The following SH3KBP1 variants were observed in gnomAD, a reference collection of about 807,000 sequenced individuals.
The protein encoded by SH3KBP1 is SH3 domain-containing kinase-binding protein 1.
In SH3KBP1, 8 loss-of-function variants were observed where a neutral mutation model predicts 50.1. The observed-to-expected ratio is 0.16, with a 90% confidence interval of 0.09 to 0.29. The LOEUF (loss-of-function observed/expected upper bound fraction) is 0.29. Among genes scored for constraint, SH3KBP1 ranks in the 10% least tolerant of loss-of-function variants. SH3KBP1 has a pLI of 1.00. For missense variants in SH3KBP1, 377 were observed against 535.2 expected (o/e 0.70, Z 2.92); for synonymous variants, 227 against 218.6 (o/e 1.04, Z -0.34).
At chrX:19,572,527 CT>C (rs1368437816) in intron 12 of SH3KBP1, among the ~76,000 whole-genome samples, 3 of 105,249 alleles carry the variant, frequency 2.9e-5, no homozygotes, top group Non-Finnish European at 5.8e-5. Flanking sequence ...TATATGTACT[CT>C]CTCTCTCTCT....
At chrX:19,557,628 A>G (rs1430850176) in intron 13 of SH3KBP1, among the ~76,000 whole-genome samples, 1 of 111,899 alleles carries the variant, frequency 8.9e-6, no homozygotes, top group Non-Finnish European at 1.9e-5. Flanking sequence ...TTAAATTTTA[A>G]TAGTCACACA....
At chrX:19,546,584 A>T (rs2065090350) in intron 14 of SH3KBP1, among the ~76,000 whole-genome samples, 1 of 112,295 alleles carries the variant, frequency 8.9e-6, no homozygotes, top group Admixed American at 9.4e-5. Context: ...TGTCTGAGAG[A>T]AAACCATTTC....
intron 2 of SH3KBP1, among the ~76,000 whole-genome samples, chrX:19,768,242 A>G (rs751686453): frequency 2.8e-5 from 3 of 108,493 alleles, no homozygotes; most frequent in African/African-American, 6.7e-5. Flanking sequence ...TGGCTCAGCA[A>G]TAAGACAGCA....
At chrX:19,676,321 A>T (rs1402513070) in intron 6 of SH3KBP1, among the ~76,000 whole-genome samples, 3 of 93,639 alleles carry the variant, frequency 3.2e-5, no homozygotes, top group Admixed American at 1.2e-4. Context: ...AGCTTAATAA[A>T]TTTTTACTAG....
intron 2 of SH3KBP1, among the ~76,000 whole-genome samples, chrX:19,781,505 C>T (rs1215797656): frequency 9.2e-6 from 1 of 108,748 alleles, no homozygotes; most frequent in Non-Finnish European, 1.9e-5. Context: ...GTGGTCCCAG[C>T]TGCTCAGAAG....
chrX:19,762,063 C>T (rs767040967), intron 2 of SH3KBP1, among the ~76,000 whole-genome samples: 4 of 112,216 alleles, frequency 3.6e-5, no homozygotes, highest in Non-Finnish European at 7.5e-5. Context: ...ACTGCCTTTG[C>T]GAAAATTAAA....
At chrX:19,714,321 T>C (rs1246126413) in intron 3 of SH3KBP1, among the ~76,000 whole-genome samples, 2 of 111,588 alleles carry the variant, frequency 1.8e-5, no homozygotes, top group Non-Finnish European at 3.8e-5. Context: ...AACTTAATCA[T>C]ACATTTTCAA....
intron 12 of SH3KBP1, chrX:19,588,259 T>C (rs1476241015): frequency 2.9e-5 from 25 of 875,087 alleles, no homozygotes; most frequent in Admixed American, 4.1e-5. Flanking sequence ...ACACATGAGA[T>C]ATACATACTT....
intron 2 of SH3KBP1, among the ~76,000 whole-genome samples, chrX:19,747,100 G>A (rs867631353): frequency 2.7e-5 from 3 of 111,910 alleles, no homozygotes; most frequent in East Asian, 2.8e-4. Flanking sequence ...CTACACCAGC[G>A]GAACTGAGTA....
chrX:19,584,539 C>T (rs994762551), intron 12 of SH3KBP1, among the ~76,000 whole-genome samples: 1 of 108,595 alleles, frequency 9.2e-6, no homozygotes, highest in Admixed American at 1.0e-4. Context: ...CACTATATTG[C>T]CCAGGTTGGT....
intron 1 of SH3KBP1, among the ~76,000 whole-genome samples, chrX:19,862,568 C>A (rs1367034556): frequency 9.0e-6 from 1 of 110,910 alleles, no homozygotes; most frequent in East Asian, 2.8e-4. Flanking sequence ...CTGATAGGGG[C>A]TCTTTCCAAA....
intron 7 of SH3KBP1, among the ~76,000 whole-genome samples, chrX:19,633,398 A>G (rs928824433): frequency 8.9e-6 from 1 of 112,049 alleles, no homozygotes; most frequent in African/African-American, 3.2e-5. Flanking sequence ...CATATTCCTA[A>G]ACCCATATAG....
intron 2 of SH3KBP1, among the ~76,000 whole-genome samples, chrX:19,829,373 G>T (rs1333654185): frequency 1.8e-5 from 2 of 110,628 alleles, no homozygotes; most frequent in African/African-American, 3.3e-5. Context: ...CAATTTCCTA[G>T]GGGGAGAGGA....
At chrX:19,606,320 T>C (rs1458027532) in intron 9 of SH3KBP1, among the ~76,000 whole-genome samples, 1 of 112,386 alleles carries the variant, frequency 8.9e-6, no homozygotes, top group Non-Finnish European at 1.9e-5. Context: ...CAGATCTATC[T>C]GATGCCACAG....
intron 3 of SH3KBP1, among the ~76,000 whole-genome samples, chrX:19,745,604 G>T (rs2064896793): frequency 8.9e-6 from 1 of 112,111 alleles, no homozygotes; most frequent in African/African-American, 3.2e-5. Flanking sequence ...CTACAGGCAT[G>T]CTCAGCATGT....
intron 14 of SH3KBP1, among the ~76,000 whole-genome samples, chrX:19,548,847 A>AGAGAGAGAG (rs2065160698): frequency 1.8e-5 from 1 of 54,306 alleles, no homozygotes; most frequent in Non-Finnish European, 3.1e-5. Context: ...GAGAGAGAGA[A>AGAGAGAGAG]ATCGAACTTA....
At chrX:19,728,615 A>G (rs193245194) in intron 3 of SH3KBP1, among the ~76,000 whole-genome samples, 27 of 112,520 alleles carry the variant, frequency 2.4e-4, no homozygotes, top group Non-Finnish European at 4.7e-4. Context: ...TGTTCAACAA[A>G]TGTTTGTCAG....
intron 2 of SH3KBP1, among the ~76,000 whole-genome samples, chrX:19,824,942 A>C (rs1446511495): frequency 1.3e-4 from 15 of 112,254 alleles, no homozygotes; most frequent in Non-Finnish European, 2.8e-4. Flanking sequence ...AGAATCTAAC[A>C]GGTTCCAGTT....
intron 3 of SH3KBP1, among the ~76,000 whole-genome samples, chrX:19,713,560 C>T (rs755470527): frequency 6.7e-4 from 70 of 105,044 alleles, no homozygotes; most frequent in Middle Eastern, 4.9e-3. Flanking sequence ...TCACACCTAG[C>T]CAAAAAAAAA....
Sources: allele counts gnomAD v4.1 joint callset (sites outside exome capture counted in the v4.1 genomes callset), GRCh38; gene constraint gnomAD v4.1.1; transcripts MANE v1.5; gene names NCBI Gene and HGNC (gene_info 2026-07-23, HGNC 2026-07-21).